The following EPHA8 variants were observed in gnomAD, a reference collection of about 807,000 sequenced individuals.
EPHA8 encodes the protein ephrin type-A receptor 8.
Under a neutral mutation model 103.6 loss-of-function variants are expected in EPHA8, and 58 were observed. That is an observed-to-expected ratio of 0.56 (90% CI 0.45 to 0.70). The LOEUF (loss-of-function observed/expected upper bound fraction) is 0.70, where lower values mean the gene tolerates loss of function less well. Ranked by LOEUF, EPHA8 falls within the 30% of genes least tolerant of loss-of-function variation. The pLI is 0.00. For synonymous variants in EPHA8, 559 were observed against 572.5 expected, an observed-to-expected ratio of 0.98 and a Z score of 0.34; for missense variants, 1,304 against 1,395.2, an observed-to-expected ratio of 0.93 and a Z score of 1.04.
intron 13 of EPHA8, among the ~76,000 whole-genome samples, chr1:22,600,136 AAGG>A (rs1196866355): frequency 8.9e-5 from 8 of 90,296 alleles, no homozygotes; most frequent in East Asian, 3.9e-4. Flanking sequence ...GGAGAGAAGG[AAGG>A]AGGAGGGAGG....
rs1400353622 is a variant in EPHA8 at position 22,576,631 on chromosome 1, C to G, written c.574C>G (p.Leu192Val). The G allele has an allele frequency of 2.5e-6, 4 of 1,613,886 alleles. No homozygotes were observed. The highest frequency in any genetic ancestry group is 3.4e-6 in the Non-Finnish European group (4 of 1,180,038). ...GGCCTTCCAGGACATAGGTGCCTGC[C>G]TGGCCATCCTCTCTCTCCGCATCTA... ...YLAFQDIGAC[L>V]AILSLRIYYK... The change falls in exon 3 of 17, where the codon CTG (leucine) becomes GTG (valine). Residue 192 changes from leucine to valine, a missense_variant. Coordinates refer to ENST00000166244, the MANE Select transcript of EPHA8 (RefSeq NM_020526.5). This position sits in a 1 kb window ranked among gnomAD's most constrained non-coding sequence, Gnocchi z 4.8.
chr1:22,589,438 G>T lies in EPHA8; in HGVS notation c.1315+232G>T. 1 of 1,493,412 alleles carries T rather than the reference G, an allele frequency of 6.7e-7. No homozygotes were observed. Among genetic ancestry groups the T allele is most frequent in the South Asian group, 1.4e-5 (1 of 71,606 alleles). The allele number at this position is 1,493,412 out of a possible 1,614,324, so 92.5% of individuals were successfully genotyped here. On this transcript the variant is annotated intron_variant, in intron 5 of 16. Coordinates refer to ENST00000166244, the MANE Select transcript of EPHA8 (RefSeq NM_020526.5). The surrounding 1 kb of genome is among the most constrained non-coding windows in gnomAD (Gnocchi z 4.3). ...CCCAAAAGCTCAGAGGCAGGCTAGT[G>T]TGGCCGTCGAAAGCCTAGGTTCCAG...
At chr1:22,599,091 G>A in intron 13 of EPHA8, 44 bp downstream of exon 13, 1 of 1,547,368 alleles carries the variant, frequency 6.5e-7, no homozygotes, top group Non-Finnish European at 8.8e-7. Flanking sequence ...GGAGTGGGGA[G>A]ATGGCGCCGG....
intron 3 of EPHA8, among the ~76,000 whole-genome samples, chr1:22,577,900 TGTGTGTATGTGTGCGTGA>T (rs1413694606): frequency 1.5e-5 from 2 of 130,508 alleles, no homozygotes; most frequent in Non-Finnish European, 1.6e-5. Flanking sequence ...TGTGTGCATG[TGTGTGTATGTGTGCGTGA>T]GTGTATGTGT....
intron 5 of EPHA8, among the ~76,000 whole-genome samples, chr1:22,590,900 C>T (rs1223238421): frequency 6.6e-6 from 1 of 152,148 alleles, no homozygotes; most frequent in Non-Finnish European, 1.5e-5. Flanking sequence ...TAGGACATGG[C>T]ACCTCCAGAC....
chr1:22,600,370 G>A (rs1035276555), intron 13 of EPHA8, among the ~76,000 whole-genome samples: 18 of 151,744 alleles, frequency 1.2e-4, no homozygotes, highest in Admixed American at 1.1e-3. Flanking sequence ...GGGAAGAGAA[G>A]GAAGAGGAAG....
At position 22,598,018 on chromosome 1, in the gene EPHA8, C is replaced by T; in HGVS notation, c.2117-133C>T. ...TCGGGGTGCCCAGAGCCTGGGACCC[C>T]AGTGGAAACCCAAGGCACCCTGGGG... On this transcript the variant is annotated intron_variant, in intron 11 of 16. Coordinates refer to ENST00000166244, the MANE Select transcript of EPHA8 (RefSeq NM_020526.5). The surrounding 1 kb of genome is among the most constrained non-coding windows in gnomAD (Gnocchi z 5.1). 7.1e-7 allele frequency: 1 copy of T among 1,412,574 alleles called. No individual in the cohort carries two copies. The highest frequency in any genetic ancestry group is 9.9e-7 in the Non-Finnish European group (1 of 1,012,344). 87.5% of individuals were successfully genotyped at this position (1,412,574 alleles called of 1,614,324 possible).
chr1:22,590,824 C>A (rs528350282), intron 5 of EPHA8, among the ~76,000 whole-genome samples: 313 of 152,244 alleles, frequency 2.1e-3, no homozygotes, highest in African/African-American at 6.7e-3. Flanking sequence ...CCCAGCTGCC[C>A]ACTCCTGTCT....
intron 2 of EPHA8, among the ~76,000 whole-genome samples, chr1:22,572,761 T>C (rs1170385789): frequency 6.6e-6 from 1 of 151,864 alleles, no homozygotes; most frequent in African/African-American, 2.4e-5. Flanking sequence ...GAGGACAGAG[T>C]TGGGGGAGCA....
chr1:22,578,163 AGTGTATGTGTGCATGTGT>A (rs1296280922), intron 3 of EPHA8, among the ~76,000 whole-genome samples: 93 of 66,684 alleles, frequency 1.4e-3, no homozygotes, highest in Non-Finnish European at 2.5e-3. Context: ...TGTGTGCATG[AGTGTATGTGTGCATGTGT>A]GTGCGTGCAT....
intron 8 of EPHA8, 123 bp from the exon 9 acceptor site, chr1:22,595,983 G>A (rs1387017037): frequency 1.2e-6 from 1 of 813,732 alleles, no homozygotes; most frequent in Non-Finnish European, 2.0e-6. Context: ...TTTGTAAGGA[G>A]CAGGAGCTGA....
At position 22,576,580 on chromosome 1, in the gene EPHA8, C is replaced by T. The variant is rs1257688669; in HGVS notation, c.523C>T (p.Pro175Ser). ...KLNTEVRSVG[P>S]LSKRGFYLAF... ...CAACACGGAGGTGCGCAGTGTGGGT[C>T]CCCTCAGCAAGCGCGGCTTCTACCT... The change falls in exon 3 of 17, where the codon CCC becomes TCC. Residue 175 changes from proline (P) to serine (S), a missense_variant. Transcript: ENST00000166244. This position sits in a 1 kb window ranked among gnomAD's most constrained non-coding sequence, Gnocchi z 4.8. 2 of 1,614,114 alleles carry T rather than the reference C, an allele frequency of 1.2e-6. No individual in the cohort carries two copies. The highest frequency in any genetic ancestry group is 1.1e-5 in the South Asian group (1 of 91,078).
Position 22,597,433 on chromosome 1 carries a change from G to A in EPHA8, c.1887G>A (p.Glu629=). The A allele has an allele frequency of 6.2e-7, 1 of 1,613,572 alleles. No homozygotes were observed. The highest frequency in any genetic ancestry group is 8.5e-7 in the Non-Finnish European group (1 of 1,179,996). ...PGRAGRSFTR[E]IEASRIHIEK... ...GGGCGGGCCGCAGTTTCACTCGGGAGATCGAGGCCTCTAGGATCCACATCG... is the reference window on the plus strand; with the variant it reads ...GGGCGGGCCGCAGTTTCACTCGGGAAATCGAGGCCTCTAGGATCCACATCG... The change falls in exon 10 of 17, where the codon GAG becomes GAA. Residue 629 remains glutamate, a synonymous_variant. Transcript: ENST00000166244. The surrounding 1 kb of genome is among the most constrained non-coding windows in gnomAD (Gnocchi z 4.6).
At chr1:22,600,628 G>A in intron 13 of EPHA8, 33 bp from the exon 14 acceptor site, 4 of 1,609,290 alleles carry the variant, frequency 2.5e-6, no homozygotes, top group Non-Finnish European at 3.4e-6. Flanking sequence ...GCCAGGCCTG[G>A]GCAGCCCCTC....
chr1:22,574,471 G>A (rs1286185609), intron 2 of EPHA8, among the ~76,000 whole-genome samples: 1 of 152,122 alleles, frequency 6.6e-6, no homozygotes, highest in Admixed American at 6.5e-5. Context: ...AACAGTAACT[G>A]CCCCCTCCCT....
At position 22,598,144 on chromosome 1, in the gene EPHA8, C is replaced by A; in HGVS notation, c.2117-7C>A. 6.2e-7 allele frequency: 1 copy of A among 1,613,352 alleles called. No individual in the cohort carries two copies. Among genetic ancestry groups the A allele is most frequent in the Non-Finnish European group, 8.5e-7 (1 of 1,179,922 alleles). The stretch of plus-strand genomic sequence containing the variant: ...CAAGAGCCACCCTCTCCCTACTGCC[C>A]GCCCAGGCCGCCTGGCAATGATTGT... On this transcript the variant is annotated splice_polypyrimidine_tract_variant and splice_region_variant and intron_variant, in intron 11 of 16. Transcript: ENST00000166244. This position sits in a 1 kb window ranked among gnomAD's most constrained non-coding sequence, Gnocchi z 5.1.
intron 3 of EPHA8, among the ~76,000 whole-genome samples, chr1:22,582,040 G>A (rs1299538625): frequency 1.3e-5 from 2 of 152,144 alleles, no homozygotes; most frequent in African/African-American, 4.8e-5. Flanking sequence ...GGAGCTGCCC[G>A]GCTCCTTGGT....
rs1280017946 is a variant in EPHA8, at chr1:22,600,363, A to G, written c.2389-298A>G. Among the ~76,000 whole-genome samples the G allele has an allele frequency of 3.4e-5, 5 of 147,398 alleles. No homozygotes were observed. The East Asian group carries it at 9.8e-4, about 29-fold the overall frequency. Reference sequence around the variant, plus strand: ...AGGAGAAAGGAGAAGGAAGTGGGGGAAGAGAAGGAAGAGGAAGAGTTAGAA... The same window carrying G: ...AGGAGAAAGGAGAAGGAAGTGGGGGGAGAGAAGGAAGAGGAAGAGTTAGAA... On this transcript the variant is annotated intron_variant, in intron 13 of 16. Transcript: ENST00000166244.
Position 22,579,522 on chromosome 1 carries a change from G to A in EPHA8, c.823+2642G>A, listed in dbSNP as rs148989250. On this transcript the variant is annotated intron_variant, in intron 3 of 16. Transcript: ENST00000166244. Reference sequence around the variant, plus strand: ...GTGTGCGCATGTGTGTGTGCATGTGGGGGAGTCTGTGCAGCCAGGCACCCC... The same window carrying A: ...GTGTGCGCATGTGTGTGTGCATGTGAGGGAGTCTGTGCAGCCAGGCACCCC... Among the ~76,000 whole-genome samples, 628 of 152,280 alleles carry A rather than the reference G, an allele frequency of 4.1e-3. 4 individuals are homozygous for A. The highest frequency in any genetic ancestry group is 0.011 in the African/African-American group (442 of 41,548).
Sources: allele counts gnomAD v4.1 joint callset (sites outside exome capture counted in the v4.1 genomes callset), GRCh38; gene constraint gnomAD v4.1.1; non-coding constraint Gnocchi (gnomAD v3.1); transcripts MANE v1.5; gene names NCBI Gene and HGNC (gene_info 2026-07-23, HGNC 2026-07-21).